Variants in CACNA2D2 observed in about 807,000 individuals in gnomAD.
CACNA2D2 encodes the protein voltage-dependent calcium channel subunit alpha-2/delta-2.
CACNA2D2 carries 48 observed loss-of-function variants against 166.4 expected under a neutral mutation model. The observed-to-expected ratio is 0.29, with a 90% confidence interval of 0.23 to 0.37. CACNA2D2 has a LOEUF of 0.37. Ranked by LOEUF, CACNA2D2 falls within the 10% of genes least tolerant of loss-of-function variation. The pLI is 1.00. For missense variants in CACNA2D2, 1,122 were observed against 1,433.0 expected, an observed-to-expected ratio of 0.78 and a Z score of 3.50; for synonymous variants, 561 against 573.7, an observed-to-expected ratio of 0.98 and a Z score of 0.32.
At position 50,425,443 on chromosome 3, in the gene CACNA2D2, C is replaced by G. The variant is rs563487591; in HGVS notation, c.405+8870G>C. ...ACTTGCCTGTCCCATGTTAGCTGCT[C>G]TGCACATTGGGACCCCACAGCCTGT... On this transcript the variant is annotated intron_variant, in intron 3 of 37. Coordinates refer to ENST00000424201, the MANE Select transcript of CACNA2D2 (RefSeq NM_006030.4). Among the ~76,000 whole-genome samples, 5 of 152,352 alleles carry G rather than the reference C, an allele frequency of 3.3e-5. No homozygotes were observed. In the East Asian group the frequency reaches 9.7e-4, roughly 29 times the overall value.
rs528216605 is a variant in CACNA2D2 at position 50,499,928 on chromosome 3, T to G, written c.206+3290A>C. 6.7e-4 allele frequency among the ~76,000 whole-genome samples: 102 copies of G among 152,128 alleles called. 1 individual carries two copies. In the South Asian group the frequency reaches 0.021, roughly 31 times the overall value. ...CCACACCAGGAGGGCTGTGAGCACCTGGCAGCTCTGCATCTCGGTGACAGC... is the reference window on the plus strand; with the variant it reads ...CCACACCAGGAGGGCTGTGAGCACCGGGCAGCTCTGCATCTCGGTGACAGC... On this transcript the variant is annotated intron_variant, in intron 1 of 37. Transcript: ENST00000424201.
At position 50,363,219 on chromosome 3, in the gene CACNA2D2, CACATGGACACCCA is replaced by C. The variant is rs1353192391; in HGVS notation, c.*1434_*1446del. The C allele has an allele frequency of 4.3e-5, 17 of 398,938 alleles. 1 individual carries two copies. Among genetic ancestry groups the C allele is most frequent in the African/African-American group, 2.9e-4 (14 of 48,754 alleles). 24.7% of individuals were successfully genotyped at this position (398,938 alleles called of 1,614,324 possible). On this transcript the variant is annotated 3_prime_UTR_variant, in exon 38 of 38. Transcript: ENST00000424201. ...ACACAGCTGGCATCCAGGCCGGGTG[CACATGGACACCCA>C]CCCTGGCACCAGCAGTGGGCATGGA...
chr3:50,380,741 C>T lies in CACNA2D2; in HGVS notation c.842+7G>A, dbSNP rs587703843. 234 of 1,524,864 alleles carry T rather than the reference C, an allele frequency of 1.5e-4. No individual in the cohort carries two copies. The highest frequency in any genetic ancestry group is 1.9e-4 in the African/African-American group (14 of 71,840). 94.5% of individuals were successfully genotyped at this position (1,524,864 alleles called of 1,614,324 possible). A position where few individuals can be genotyped will look rare whatever the true frequency, so the allele number is the denominator to read the frequency against. On this transcript the variant is annotated splice_region_variant and intron_variant, in intron 8 of 37. Transcript: ENST00000424201. This position sits in a 1 kb window ranked among gnomAD's most constrained non-coding sequence, Gnocchi z 4.9. The stretch of plus-strand genomic sequence containing the variant: ...TGTCCCTCCCCAGCCCCTTCTTGCT[C>T]GCTCACCAGGGTCTCCTTCGGACAT...
Position 50,375,849 on chromosome 3 carries a change from C to T in CACNA2D2, c.1805G>A (p.Gly602Asp). 2 of 1,613,070 alleles carry T rather than the reference C, an allele frequency of 1.2e-6. No individual in the cohort carries two copies. Among genetic ancestry groups the T allele is most frequent in the Non-Finnish European group, 1.7e-6 (2 of 1,180,006 alleles). ...GACCAACGTTCTGATCTGCTTGTGG[C>T]CCTTGTTGCCATCAATCATGCTCCG... ...IRRSMIDGNKGHKQIRTLVKS... is the reference protein window; with the variant it reads ...IRRSMIDGNKDHKQIRTLVKS... The change falls in exon 20 of 38, where the codon GGC becomes GAC. Residue 602 changes from glycine to aspartate, a missense_variant. Gly to Asp is a moderately conservative substitution (Grantham distance 94, BLOSUM62 -1). This residue lies in a region of CACNA2D2 where 840 missense variants were observed against 1,166.8 expected (regional missense o/e 0.72). Coordinates refer to ENST00000424201, the MANE Select transcript of CACNA2D2 (RefSeq NM_006030.4). The surrounding 1 kb of genome is among the most constrained non-coding windows in gnomAD (Gnocchi z 4.0).
Position 50,367,166 on chromosome 3 carries a change from A to G in CACNA2D2, c.2402-57T>C, listed in dbSNP as rs1346088003. ...GTCTGGCGGCCACACTGACCACTCT[A>G]TGCTGGGTCCTACAAACCCAGCAGT... On this transcript the variant is annotated intron_variant, in intron 27 of 37. Transcript: ENST00000424201. This position sits in a 1 kb window ranked among gnomAD's most constrained non-coding sequence, Gnocchi z 6.5. 17 of 1,339,952 alleles carry G rather than the reference A, an allele frequency of 1.3e-5. No individual in the cohort carries two copies. In the East Asian group the frequency reaches 3.5e-4, roughly 28 times the overall value. The allele number at this position is 1,339,952 out of a possible 1,614,324, so 83.0% of individuals were successfully genotyped here. A position where few individuals can be genotyped will look rare whatever the true frequency, so the allele number is the denominator to read the frequency against.
chr3:50,484,907 G>A (rs752006846), intron 1 of CACNA2D2, among the ~76,000 whole-genome samples: 26 of 152,382 alleles, frequency 1.7e-4, no homozygotes, highest in Middle Eastern at 6.8e-3. Flanking sequence ...GGGTAGGCAG[G>A]TGGGGTGGGC....
At chr3:50,398,884 G>T (rs368337774) in intron 3 of CACNA2D2, among the ~76,000 whole-genome samples, 2 of 152,226 alleles carry the variant, frequency 1.3e-5, no homozygotes, top group African/African-American at 4.8e-5. Flanking sequence ...GCAAGAAAGA[G>T]GAGGACTCGT....
intron 23 of CACNA2D2, among the ~76,000 whole-genome samples, chr3:50,368,930 AGC>A (rs959777085): frequency 6.6e-6 from 1 of 152,128 alleles, no homozygotes; most frequent in African/African-American, 2.4e-5. Context: ...TGATAGGTGG[AGC>A]TCTCTCTCGC....
chr3:50,400,605 G>T (rs1706400121), intron 3 of CACNA2D2, among the ~76,000 whole-genome samples: 1 of 152,356 alleles, frequency 6.6e-6, no homozygotes, highest in Middle Eastern at 3.4e-3. Context: ...GCAGCAGGAT[G>T]GGCAGTGAGG....
Position 50,365,553 on chromosome 3 carries a change from G to T in CACNA2D2, c.2972-71C>A. 1 of 1,592,582 alleles carries T rather than the reference G, an allele frequency of 6.3e-7. No homozygotes were observed. Among genetic ancestry groups the T allele is most frequent in the South Asian group, 1.1e-5 (1 of 88,820 alleles). On this transcript the variant is annotated intron_variant, in intron 34 of 37. Coordinates refer to ENST00000424201, the MANE Select transcript of CACNA2D2 (RefSeq NM_006030.4). The surrounding 1 kb of genome is among the most constrained non-coding windows in gnomAD (Gnocchi z 4.5). The stretch of plus-strand genomic sequence containing the variant: ...AGGTCTCCGGCCTCCCTCAGTCGTA[G>T]ACCCCACCCTCCCCATGGAGTCGTC...
chr3:50,455,636 G>A (rs1166183554), intron 2 of CACNA2D2, among the ~76,000 whole-genome samples: 1 of 152,110 alleles, frequency 6.6e-6, no homozygotes. Flanking sequence ...GGCTCAGGGA[G>A]GCCAGCGCAA....
Position 50,368,175 on chromosome 3 carries a change from A to G in CACNA2D2, c.2106T>C (p.Ile702=). ...DNNTEFLKNF[I]ELMEKVTPDS... is the part of the protein sequence containing the mutation. Reference sequence around the variant, plus strand: ...CTGGAGTCACTTTCTCCATGAGCTCAATAAAGTTTTTCAGGAACTCGGTGT... The same window carrying G: ...CTGGAGTCACTTTCTCCATGAGCTCGATAAAGTTTTTCAGGAACTCGGTGT... Residue 702 remains isoleucine (I), a synonymous_variant, in exon 24 of 38, where the codon ATT becomes ATC. Coordinates refer to ENST00000424201, the MANE Select transcript of CACNA2D2 (RefSeq NM_006030.4). The G allele has an allele frequency of 1.9e-6, 3 of 1,613,720 alleles. No individual in the cohort carries two copies. Among genetic ancestry groups the G allele is most frequent in the Non-Finnish European group, 2.5e-6 (3 of 1,179,686 alleles).
chr3:50,483,806 C>G (rs1180911774), intron 1 of CACNA2D2, among the ~76,000 whole-genome samples: 1 of 152,212 alleles, frequency 6.6e-6, no homozygotes, highest in Admixed American at 6.5e-5. Context: ...GGGGCCCTCC[C>G]TGCCTGAGGC....
intron 3 of CACNA2D2, among the ~76,000 whole-genome samples, chr3:50,402,816 A>G (rs754881656): frequency 2.0e-5 from 3 of 152,222 alleles, no homozygotes; most frequent in Non-Finnish European, 4.4e-5. Context: ...ATTATGATCC[A>G]TAATTCATCA....
chr3:50,418,894 C>A (rs1481015565), intron 3 of CACNA2D2, among the ~76,000 whole-genome samples: 1 of 152,198 alleles, frequency 6.6e-6, no homozygotes, highest in Non-Finnish European at 1.5e-5. Flanking sequence ...AGCCTGGCCT[C>A]TGGGGGAGGG....
intron 2 of CACNA2D2, among the ~76,000 whole-genome samples, chr3:50,438,653 G>T (rs762916726): frequency 6.6e-6 from 1 of 152,114 alleles, no homozygotes; most frequent in Non-Finnish European, 1.5e-5. Flanking sequence ...CAGCCCCAAC[G>T]TGCCTGGAAC....
chr3:50,481,874 T>C (rs1698069878), intron 1 of CACNA2D2, among the ~76,000 whole-genome samples: 1 of 152,114 alleles, frequency 6.6e-6, no homozygotes. Context: ...CGTACACCTG[T>C]AGTCCCAGCT....
At chr3:50,481,062 A>G (rs1279421850) in intron 1 of CACNA2D2, among the ~76,000 whole-genome samples, 1 of 151,804 alleles carries the variant, frequency 6.6e-6, no homozygotes, top group Non-Finnish European at 1.5e-5. Context: ...TTAATTGTAC[A>G]GTATAATCCA....
At chr3:50,431,419 G>A (rs572416649) in intron 3 of CACNA2D2, among the ~76,000 whole-genome samples, 206 of 152,228 alleles carry the variant, frequency 1.4e-3, no homozygotes, top group African/African-American at 4.6e-3. Context: ...AGCGCTGGGA[G>A]GCCATGAGCT....
Sources: allele counts gnomAD v4.1 joint callset (sites outside exome capture counted in the v4.1 genomes callset), GRCh38; gene constraint gnomAD v4.1.1; regional missense constraint gnomAD v4.1.1; non-coding constraint Gnocchi (gnomAD v3.1); transcripts MANE v1.5; gene names NCBI Gene and HGNC (gene_info 2026-07-23, HGNC 2026-07-21).